NPLOC4: variants seen among roughly 807,000 people sequenced by gnomAD.
NPLOC4 encodes nuclear protein localization protein 4 homolog.
Under a neutral mutation model 80.6 loss-of-function variants are expected in NPLOC4, and 18 were observed. The ratio of observed to expected loss-of-function variants is 0.22; its 90% confidence interval spans 0.15 to 0.33. NPLOC4 has a LOEUF of 0.33. Among genes scored for constraint, NPLOC4 ranks in the 10% least tolerant of loss-of-function variants. The pLI, the probability that NPLOC4 is intolerant of heterozygous loss-of-function variation, is 1.00. For missense variants in NPLOC4, 540 were observed against 786.1 expected (o/e 0.69, Z 3.74); for synonymous variants, 313 against 301.5 (o/e 1.04, Z -0.39).
intron 2 of NPLOC4, among the ~76,000 whole-genome samples, chr17:81,628,234 A>G (rs1285722601): frequency 1.3e-5 from 2 of 151,290 alleles, no homozygotes; most frequent in Admixed American, 6.6e-5. Flanking sequence ...GAAAAAAAAA[A>G]GAAAAAGAAA....
intron 2 of NPLOC4, among the ~76,000 whole-genome samples, chr17:81,624,286 C>T (rs1487157924): frequency 6.6e-6 from 1 of 152,070 alleles, no homozygotes; most frequent in East Asian, 1.9e-4. Flanking sequence ...GGCGTGGTGG[C>T]GGACACTTGT....
chr17:81,610,078 G>A, intron 5 of NPLOC4, 132 bp downstream of exon 5: 1 of 713,244 alleles, frequency 1.4e-6, no homozygotes, highest in Non-Finnish European at 2.4e-6. Flanking sequence ...ATGAGGCCCA[G>A]GGCAATAAAT....
At position 81,616,959 on chromosome 17, in the gene NPLOC4, C is replaced by T. The variant is rs112572666; in HGVS notation, c.210-3465G>A. Among the ~76,000 whole-genome samples the T allele has an allele frequency of 5.8e-4, 88 of 152,340 alleles. 1 individual carries two copies. The highest frequency in any genetic ancestry group is 2.0e-3 in the African/African-American group (83 of 41,584). The stretch of plus-strand genomic sequence containing the variant: ...ACATGGAAGTGGCAGGCACCAAAGT[C>T]AGTGGCTCTTCCCAAATCTCCCTCC... On this transcript the variant is annotated intron_variant, in intron 3 of 16. Coordinates refer to ENST00000331134, the MANE Select transcript of NPLOC4 (RefSeq NM_017921.4).
chr17:81,576,371 C>CA (rs571707452), intron 12 of NPLOC4, among the ~76,000 whole-genome samples: 8 of 152,134 alleles, frequency 5.3e-5, no homozygotes, highest in Non-Finnish European at 1.2e-4. Flanking sequence ...CAACCAAACA[C>CA]AGATTGAAAA....
At chr17:81,593,693 G>A (rs1446488340) in intron 11 of NPLOC4, among the ~76,000 whole-genome samples, 2 of 151,860 alleles carry the variant, frequency 1.3e-5, no homozygotes, top group Non-Finnish European at 2.9e-5. Flanking sequence ...ATGTGACACC[G>A]AGAAGAGTAT....
intron 9 of NPLOC4, among the ~76,000 whole-genome samples, chr17:81,598,203 A>T (rs1320941626): frequency 6.6e-6 from 1 of 152,118 alleles, no homozygotes; most frequent in Admixed American, 6.6e-5. Flanking sequence ...AGCCAGGTGA[A>T]TCTACATCAA....
intron 12 of NPLOC4, among the ~76,000 whole-genome samples, chr17:81,585,707 C>T (rs2144123688): frequency 6.7e-6 from 1 of 149,412 alleles, no homozygotes; most frequent in African/African-American, 2.5e-5. Context: ...TGCAGTGGCT[C>T]ACATCTGTAA....
chr17:81,570,770 G>A (rs931953742), intron 13 of NPLOC4, among the ~76,000 whole-genome samples: 5 of 152,198 alleles, frequency 3.3e-5, no homozygotes, highest in African/African-American at 1.2e-4. Flanking sequence ...CTGTGGCCCA[G>A]GGCTGGGCAT....
chr17:81,635,227 C>A (rs2036033814), intron 1 of NPLOC4, among the ~76,000 whole-genome samples: 1 of 151,766 alleles, frequency 6.6e-6, no homozygotes, highest in African/African-American at 2.4e-5. Context: ...CCTGCAACCC[C>A]AGCTACTCGG....
intron 3 of NPLOC4, among the ~76,000 whole-genome samples, chr17:81,621,472 C>T (rs1011931875): frequency 3.3e-5 from 5 of 152,168 alleles, no homozygotes; most frequent in African/African-American, 4.8e-5. Context: ...CCTGCAGCGT[C>T]GAGAGGAAAA....
At chr17:81,631,106 G>A (rs1226932568) in intron 1 of NPLOC4, among the ~76,000 whole-genome samples, 1 of 152,080 alleles carries the variant, frequency 6.6e-6, no homozygotes, top group Non-Finnish European at 1.5e-5. Context: ...CCAGGAGGCA[G>A]AGGTTGCAGT....
In NPLOC4 at chr17:81,577,137, A is replaced by G. The variant is rs8076150; in HGVS notation, c.1282-5049T>C. ...AAGGGGCAGTGGGTTCCTCAGAGATACCCTCTGGCCCCTCCACAGCTGGCT... is the reference window on the plus strand; with the variant it reads ...AAGGGGCAGTGGGTTCCTCAGAGATGCCCTCTGGCCCCTCCACAGCTGGCT... On this transcript the variant is annotated intron_variant, in intron 12 of 16. Coordinates refer to ENST00000331134, the MANE Select transcript of NPLOC4 (RefSeq NM_017921.4). This position sits in a 1 kb window ranked among gnomAD's most constrained non-coding sequence, Gnocchi z 4.3. 0.15 allele frequency among the ~76,000 whole-genome samples: 22,612 copies of G among 151,802 alleles called. 2,026 individuals carry two copies. Among genetic ancestry groups the G allele is most frequent in the Admixed American group, 0.23 (3,567 of 15,256 alleles).
intron 12 of NPLOC4, among the ~76,000 whole-genome samples, chr17:81,582,568 A>G (rs1568129742): frequency 6.6e-6 from 1 of 151,986 alleles, no homozygotes; most frequent in African/African-American, 2.4e-5. Flanking sequence ...CACCCGACTA[A>G]TTTTTTTTTG....
chr17:81,591,732 A>C (rs2034750775), intron 11 of NPLOC4, among the ~76,000 whole-genome samples: 1 of 152,168 alleles, frequency 6.6e-6, no homozygotes, highest in African/African-American at 2.4e-5. Flanking sequence ...CTGGCAGGAC[A>C]AGTTAACTAT....
At chr17:81,618,304 C>T (rs1417630410) in intron 3 of NPLOC4, among the ~76,000 whole-genome samples, 1 of 151,060 alleles carries the variant, frequency 6.6e-6, no homozygotes, top group Non-Finnish European at 1.5e-5. Context: ...CGCCTCTGCC[C>T]CGCCGCCCCG....
chr17:81,580,869 A>G lies in NPLOC4; in HGVS notation c.1281+8075T>C, dbSNP rs1245797229. The stretch of plus-strand genomic sequence containing the variant: ...CTACCAAGGGCTTGGCCACCCAAAC[A>G]CAACAGCTCTCGCTCCCCGCTCAGC... On this transcript the variant is annotated intron_variant, in intron 12 of 16. Transcript: ENST00000331134. This position sits in a 1 kb window ranked among gnomAD's most constrained non-coding sequence, Gnocchi z 4.4. Among the ~76,000 whole-genome samples, 10 of 152,154 alleles carry G rather than the reference A, an allele frequency of 6.6e-5. No individual in the cohort carries two copies. Among genetic ancestry groups the G allele is most frequent in the Non-Finnish European group, 1.3e-4 (9 of 68,004 alleles).
intron 3 of NPLOC4, among the ~76,000 whole-genome samples, chr17:81,613,705 A>C (rs530140157): frequency 6.6e-6 from 1 of 152,168 alleles, no homozygotes; most frequent in Admixed American, 6.5e-5. Flanking sequence ...CTGTAATTTA[A>C]TCTCTTACAA....
chr17:81,569,338 C>T (rs1461656234), intron 13 of NPLOC4, among the ~76,000 whole-genome samples: 4 of 152,262 alleles, frequency 2.6e-5, no homozygotes, highest in Admixed American at 6.5e-5. Context: ...ATCCGGGCAG[C>T]CTCCGGCCTG....
At chr17:81,594,157 C>T (rs2034824953) in intron 11 of NPLOC4, among the ~76,000 whole-genome samples, 8 of 151,526 alleles carry the variant, frequency 5.3e-5, no homozygotes, top group Admixed American at 5.3e-4. Flanking sequence ...CACCTGTAGT[C>T]CCAGCTACTC....
Sources: gnomAD v4.1 joint callset for allele counts (sites outside exome capture counted in the v4.1 genomes callset) on GRCh38, gnomAD v4.1.1 for gene constraint, Gnocchi (gnomAD v3.1) non-coding constraint, MANE v1.5 for transcripts, NCBI Gene and HGNC (gene_info 2026-07-23, HGNC 2026-07-21) for gene names.